The following KIF26B variants were observed in gnomAD, a reference collection of about 807,000 sequenced individuals.
The protein encoded by KIF26B is kinesin-like protein KIF26B.
KIF26B carries 63 observed loss-of-function variants against 151.2 expected under a neutral mutation model. The ratio of observed to expected loss-of-function variants is 0.42; its 90% CI spans 0.34 to 0.51. KIF26B has a LOEUF of 0.51. Ranked by LOEUF, KIF26B falls within the 20% of genes least tolerant of loss-of-function variation. The probability of loss-of-function intolerance (pLI) is 0.07; values close to 1 mark genes in which losing one functional copy is unlikely to be tolerated. For missense variants in KIF26B, 2,813 were observed against 2,913.6 expected (o/e 0.97, Z 0.79); for synonymous variants, 1,357 against 1,262.1 (o/e 1.08, Z -1.59).
rs755672216 is a variant in KIF26B at position 245,698,958 on chromosome 1, G to C, written c.6099G>C (p.Ala2033=). The change falls in exon 14 of 15, where the codon GCG becomes GCC. Residue 2033 remains alanine, a synonymous_variant. Coordinates refer to ENST00000407071, the MANE Select transcript of KIF26B (RefSeq NM_018012.4). The surrounding 1 kb of genome is among the most constrained non-coding windows in gnomAD (Gnocchi z 4.0). ...HRQQRIAEVR[A]KYEWLMKELE... is the part of the protein sequence containing the mutation. The stretch of plus-strand genomic sequence containing the variant: ...AGCAGAGGATCGCCGAGGTCCGCGC[G>C]AAGTACGAGTGGCTGATGAAGGAGC... The C allele has an allele frequency of 1.2e-6, 2 of 1,613,942 alleles. No individual in the cohort carries two copies.
intron 2 of KIF26B, among the ~76,000 whole-genome samples, chr1:245,189,902 C>T (rs1669068438): frequency 6.6e-6 from 1 of 152,066 alleles, no homozygotes; most frequent in Non-Finnish European, 1.5e-5. Flanking sequence ...TGGTGGCAGA[C>T]AAGAGAGAAA....
At chr1:245,469,561 T>C (rs1659864879) in intron 4 of KIF26B, among the ~76,000 whole-genome samples, 1 of 152,186 alleles carries the variant, frequency 6.6e-6, no homozygotes, top group Non-Finnish European at 1.5e-5. Context: ...TAATCAGTTA[T>C]CCTTCACTCC....
At chr1:245,177,163 C>T (rs1668822421) in intron 2 of KIF26B, among the ~76,000 whole-genome samples, 1 of 152,148 alleles carries the variant, frequency 6.6e-6, no homozygotes, top group Non-Finnish European at 1.5e-5. Context: ...TTGTGTTGCC[C>T]AGGCTGGCCT....
chr1:245,303,301 C>A (rs1031340700), intron 2 of KIF26B, among the ~76,000 whole-genome samples: 2 of 150,012 alleles, frequency 1.3e-5, no homozygotes, highest in Admixed American at 1.3e-4. Context: ...CGGGTTCACG[C>A]CATTCTCCTG....
Position 245,412,657 on chromosome 1 carries a change from ATTTGGGATTCTCTCTTTC to A in KIF26B, c.1000-6896_1000-6879del, listed in dbSNP as rs1483076891. Among the ~76,000 whole-genome samples the A allele has an allele frequency of 7.9e-5, 12 of 152,184 alleles. 1 individual carries two copies. The South Asian group carries it at 1.7e-3, about 21-fold the overall frequency. On this transcript the variant is annotated intron_variant, in intron 3 of 14. Coordinates refer to ENST00000407071, the MANE Select transcript of KIF26B (RefSeq NM_018012.4). ...ATTCTGTGGTCAAGATGGTAACCAC[ATTTGGGATTCTCTCTTTC>A]TTTGGGATTCTCTCTTTCTTTGGGA... is the stretch of plus-strand genomic sequence containing the variant.
At chr1:245,301,614 T>C (rs528680150) in intron 2 of KIF26B, among the ~76,000 whole-genome samples, 1 of 152,284 alleles carries the variant, frequency 6.6e-6, no homozygotes, top group South Asian at 2.1e-4. Flanking sequence ...TCTTAACTTG[T>C]AGGCACGTCT....
intron 9 of KIF26B, among the ~76,000 whole-genome samples, chr1:245,629,208 A>G (rs964570933): frequency 6.6e-6 from 1 of 152,162 alleles, no homozygotes; most frequent in Middle Eastern, 3.4e-3. Context: ...TTCCCATCAA[A>G]CTACACTGAC....
At chr1:245,408,730 C>T (rs937564246) in intron 3 of KIF26B, among the ~76,000 whole-genome samples, 7 of 152,046 alleles carry the variant, frequency 4.6e-5, no homozygotes, top group Non-Finnish European at 7.4e-5. Context: ...CTACTTGAGC[C>T]GTACATTCTC....
intron 4 of KIF26B, among the ~76,000 whole-genome samples, chr1:245,482,501 A>G (rs1403172261): frequency 6.6e-6 from 1 of 151,908 alleles, no homozygotes. Flanking sequence ...CAAAGGACTG[A>G]ATACAAACAT....
intron 9 of KIF26B, among the ~76,000 whole-genome samples, chr1:245,613,747 C>T (rs367925369): frequency 1.2e-4 from 19 of 152,318 alleles, no homozygotes; most frequent in South Asian, 8.3e-4. Context: ...CAGGCAAAAG[C>T]GCCTCCCTTC....
rs1442964407 is a variant in KIF26B at position 245,540,819 on chromosome 1, ACTT to A, written c.1224_1226del (p.Ser409del). On this transcript the variant is annotated inframe_deletion, in exon 5 of 15. Transcript: ENST00000407071. The surrounding 1 kb of genome is among the most constrained non-coding windows in gnomAD (Gnocchi z 4.6). Reference sequence around the variant, plus strand: ...TAAAAAGAAGAAACATCGGCCTTCCACTTCTTCCGCTGCCGAACCACCGCTCTT... The same window carrying A: ...TAAAAAGAAGAAACATCGGCCTTCCACTTCCGCTGCCGAACCACCGCTCTT... 2 of 1,613,762 alleles carry A rather than the reference ACTT, an allele frequency of 1.2e-6. No individual in the cohort carries two copies. The highest frequency in any genetic ancestry group is 3.3e-5 in the Admixed American group (2 of 59,984).
In KIF26B at chr1:245,167,856, G is replaced by A. The variant is rs1668640160; in HGVS notation, c.465+11173G>A. ...AGATGGGAGGAGGATAGAAAGGAGA[G>A]GAATAAGAGGGGAGGAGGAGGAGGA... On this transcript the variant is annotated intron_variant, in intron 2 of 14. Coordinates refer to ENST00000407071, the MANE Select transcript of KIF26B (RefSeq NM_018012.4). The surrounding 1 kb of genome is among the most constrained non-coding windows in gnomAD (Gnocchi z 4.2). Among the ~76,000 whole-genome samples, 1 of 151,954 alleles carries A rather than the reference G, an allele frequency of 6.6e-6. No homozygotes were observed. The highest frequency in any genetic ancestry group is 1.5e-5 in the Non-Finnish European group (1 of 67,988).
chr1:245,569,656 G>C (rs1406901569), intron 5 of KIF26B, among the ~76,000 whole-genome samples: 1 of 151,794 alleles, frequency 6.6e-6, no homozygotes, highest in Non-Finnish European at 1.5e-5. Flanking sequence ...GCTGGATGTG[G>C]TGGTGCATGC....
rs1485717699 is a variant in KIF26B at position 245,686,583 on chromosome 1, G to A, written c.3600G>A (p.Gly1200=). The change falls in exon 12 of 15, where the codon GGG becomes GGA. Residue 1200 remains glycine, a synonymous_variant. Coordinates refer to ENST00000407071, the MANE Select transcript of KIF26B (RefSeq NM_018012.4). This position sits in a 1 kb window ranked among gnomAD's most constrained non-coding sequence, Gnocchi z 5.6. ...TGGTGGAGGAGCTGACCATCAGCGG[G>A]GTCCTGGACAGCGGCCGCCCCACCA... ...FTLVEELTIS[G]VLDSGRPTSI... is the part of the protein sequence containing the mutation. 3.1e-6 allele frequency: 5 copies of A among 1,612,448 alleles called. No individual in the cohort carries two copies. In the South Asian group the frequency reaches 4.4e-5, roughly 14 times the overall value.
chr1:245,594,025 T>C (rs147671785), intron 5 of KIF26B, among the ~76,000 whole-genome samples: 103 of 152,352 alleles, frequency 6.8e-4, no homozygotes, highest in African/African-American at 2.4e-3. Flanking sequence ...GTTTGTTTTT[T>C]TCTTGTAAAT....
At chr1:245,178,781 A>G (rs73125062) in intron 2 of KIF26B, among the ~76,000 whole-genome samples, 3,002 of 152,272 alleles carry the variant, frequency 0.02, 94 homozygotes, top group African/African-American at 0.068. Context: ...TTTTGGGGAT[A>G]AAGGCTGGTG....
intron 10 of KIF26B, among the ~76,000 whole-genome samples, chr1:245,678,353 G>A (rs931462888): frequency 2.6e-5 from 4 of 152,086 alleles, no homozygotes; most frequent in African/African-American, 7.2e-5. Flanking sequence ...ATCTCTCTAC[G>A]ACGCGTTCTG....
chr1:245,462,261 C>T (rs975587956), intron 4 of KIF26B, among the ~76,000 whole-genome samples: 4 of 152,102 alleles, frequency 2.6e-5, no homozygotes, highest in African/African-American at 9.7e-5. Flanking sequence ...CTCAGAAATT[C>T]CATTGAGAAT....
chr1:245,363,219 C>T (rs549599911), intron 2 of KIF26B, among the ~76,000 whole-genome samples: 100 of 152,260 alleles, frequency 6.6e-4, no homozygotes, highest in East Asian at 1.5e-3. Flanking sequence ...CTTTTTGAGA[C>T]GGAGTCTCGC....
Sources: allele counts gnomAD v4.1 joint callset (sites outside exome capture counted in the v4.1 genomes callset), GRCh38; gene constraint gnomAD v4.1.1; non-coding constraint Gnocchi (gnomAD v3.1); transcripts MANE v1.5; gene names NCBI Gene and HGNC (gene_info 2026-07-23, HGNC 2026-07-21).